DACH1: variants seen among roughly 807,000 people sequenced by gnomAD.
DACH1 encodes dachshund homolog 1.
DACH1 carries 12 observed loss-of-function variants against 54.2 expected under a neutral mutation model. That is an observed-to-expected ratio of 0.22 (90% confidence interval 0.14 to 0.36). DACH1 has a LOEUF of 0.36. Among genes scored for constraint, DACH1 ranks in the 10% least tolerant of loss-of-function variants. The pLI is 1.00. For missense variants in DACH1, 805 were observed against 929.8 expected (o/e 0.87, Z 1.75); for synonymous variants, 386 against 366.2 (o/e 1.05, Z -0.62).
chr13:71,833,411 G>T (rs767088079), intron 1 of DACH1, among the ~76,000 whole-genome samples: 1 of 151,986 alleles, frequency 6.6e-6, no homozygotes, highest in Non-Finnish European at 1.5e-5. Context: ...AACCTAATTT[G>T]TACACATTAC....
At chr13:71,643,770 G>A (rs1878075064) in intron 2 of DACH1, among the ~76,000 whole-genome samples, 1 of 151,494 alleles carries the variant, frequency 6.6e-6, no homozygotes, top group Admixed American at 6.6e-5. Flanking sequence ...ACAATGAGAG[G>A]AAAAAAATAT....
At chr13:71,865,620 C>G (rs116394720) in intron 1 of DACH1, among the ~76,000 whole-genome samples, 1,600 of 152,244 alleles carry the variant, frequency 0.011, 29 homozygotes, top group African/African-American at 0.037. Flanking sequence ...CCGTCCTCCT[C>G]CCTCTCGTCC....
chr13:71,607,770 T>C (rs1201504330), intron 3 of DACH1, among the ~76,000 whole-genome samples: 1 of 152,046 alleles, frequency 6.6e-6, no homozygotes, highest in African/African-American at 2.4e-5. Flanking sequence ...TGGGACTTTG[T>C]GGAGTGTTTA....
intron 10 of DACH1, among the ~76,000 whole-genome samples, chr13:71,474,318 A>C (rs1002105556): frequency 6.6e-6 from 1 of 152,196 alleles, no homozygotes; most frequent in Non-Finnish European, 1.5e-5. Flanking sequence ...TATCCTAAAA[A>C]TGATTGAGTT....
At chr13:71,664,881 A>G (rs982053224) in intron 2 of DACH1, among the ~76,000 whole-genome samples, 4 of 152,014 alleles carry the variant, frequency 2.6e-5, no homozygotes, top group Admixed American at 2.0e-4. Context: ...GAAAAGTATG[A>G]CCATAATTTC....
At chr13:71,755,936 GA>G (rs1193843744) in intron 1 of DACH1, among the ~76,000 whole-genome samples, 3 of 151,980 alleles carry the variant, frequency 2.0e-5, no homozygotes, top group African/African-American at 7.2e-5. Flanking sequence ...AGACGGTATG[GA>G]AAAAATACTA....
chr13:71,853,193 C>T (rs1001412922), intron 1 of DACH1, among the ~76,000 whole-genome samples: 2 of 152,172 alleles, frequency 1.3e-5, no homozygotes, highest in African/African-American at 2.4e-5. Context: ...TCAGAAACCT[C>T]TCTCAATCAC....
chr13:71,813,938 G>A (rs971524416), intron 1 of DACH1, among the ~76,000 whole-genome samples: 8 of 152,144 alleles, frequency 5.3e-5, no homozygotes, highest in African/African-American at 1.7e-4. Flanking sequence ...CTTAAATGGT[G>A]ACGTTAAGCC....
At chr13:71,644,196 T>A (rs1328038844) in intron 2 of DACH1, among the ~76,000 whole-genome samples, 1 of 152,168 alleles carries the variant, frequency 6.6e-6, no homozygotes, top group Admixed American at 6.5e-5. Context: ...TAAAACAGTA[T>A]CTATGTATTA....
chr13:71,622,641 T>C (rs1475270326), intron 3 of DACH1, among the ~76,000 whole-genome samples: 1 of 151,842 alleles, frequency 6.6e-6, no homozygotes, highest in African/African-American at 2.4e-5. Context: ...TAATTACCAT[T>C]TCCAGGACTT....
chr13:71,553,474 G>C (rs1377011424), intron 6 of DACH1, among the ~76,000 whole-genome samples: 1 of 141,526 alleles, frequency 7.1e-6, no homozygotes, highest in Non-Finnish European at 1.5e-5. Flanking sequence ...ACATATATGG[G>C]ATATATATAT....
At chr13:71,725,991 A>C (rs2137897089) in intron 1 of DACH1, among the ~76,000 whole-genome samples, 1 of 152,222 alleles carries the variant, frequency 6.6e-6, no homozygotes, top group East Asian at 1.9e-4. Context: ...CCCTTGGAGA[A>C]CCTGTTGAAA....
chr13:71,510,539 C>G (rs1331871492), intron 6 of DACH1, among the ~76,000 whole-genome samples: 1 of 151,956 alleles, frequency 6.6e-6, no homozygotes, highest in Non-Finnish European at 1.5e-5. Flanking sequence ...CATTCTAGTT[C>G]ATAGAGTTAC....
chr13:71,636,549 AAATAAT>A lies in DACH1; in HGVS notation c.965-5838_965-5833del, dbSNP rs368128838. Among the ~76,000 whole-genome samples the A allele has an allele frequency of 2.6e-3, 385 of 146,908 alleles. 2 individuals carry two copies. The highest frequency in any genetic ancestry group is 7.7e-3 in the African/African-American group (308 of 39,954). On this transcript the variant is annotated intron_variant, in intron 2 of 10. Transcript: ENST00000613252. ...AACAGAACAAAACAACACAAAGTAA[AAATAAT>A]AATAATAATAATAATAATAATAATA... is the stretch of plus-strand genomic sequence containing the variant.
chr13:71,470,995 C>T (rs1280306583), intron 10 of DACH1, among the ~76,000 whole-genome samples: 1 of 152,022 alleles, frequency 6.6e-6, no homozygotes, highest in Non-Finnish European at 1.5e-5. Context: ...GTTGCCACAG[C>T]GGGAGAGTGA....
At chr13:71,478,154 C>T (rs1352366846) in intron 8 of DACH1, among the ~76,000 whole-genome samples, 1 of 152,108 alleles carries the variant, frequency 6.6e-6, no homozygotes, top group South Asian at 2.1e-4. Flanking sequence ...TTCTTTGACC[C>T]AACTTATTTA....
intron 6 of DACH1, among the ~76,000 whole-genome samples, chr13:71,506,122 A>C (rs980741844): frequency 1.1e-4 from 16 of 151,946 alleles, no homozygotes; most frequent in Non-Finnish European, 1.0e-4. Flanking sequence ...AAACTCACAT[A>C]AAGCTCTTAA....
At position 71,559,848 on chromosome 13, in the gene DACH1, A is replaced by G; in HGVS notation, c.1407T>C (p.Ala469=). 1 of 1,613,750 alleles carries G rather than the reference A, an allele frequency of 6.2e-7. No homozygotes were observed. Among genetic ancestry groups the G allele is most frequent in the Non-Finnish European group, 8.5e-7 (1 of 1,179,888 alleles). The change falls in exon 5 of 11, where the codon GCT becomes GCC. Residue 469 remains alanine, a synonymous_variant. Coordinates refer to ENST00000613252, the MANE Select transcript of DACH1 (RefSeq NM_080759.6). The part of the protein sequence containing the change: ...HRSSSVSSSP[A]RTESSSDRIP... ...TTCTGTCAGAAGAGCTCTCAGTCCG[A>G]GCAGGGGAGCTGGACACGCTGCTGC...
At chr13:71,648,113 A>G (rs1183837958) in intron 2 of DACH1, among the ~76,000 whole-genome samples, 2 of 152,230 alleles carry the variant, frequency 1.3e-5, no homozygotes, top group Non-Finnish European at 2.9e-5. Context: ...GATATAAACA[A>G]TAAGATGATA....
Sources: allele counts gnomAD v4.1 joint callset (sites outside exome capture counted in the v4.1 genomes callset), GRCh38; gene constraint gnomAD v4.1.1; transcripts MANE v1.5; gene names NCBI Gene and HGNC (gene_info 2026-07-23, HGNC 2026-07-21).